OCEL1: variants seen among roughly 807,000 people sequenced by gnomAD.
OCEL1 encodes the protein occludin/ELL domain containing 1.
A neutral mutation model predicts 29.4 loss-of-function variants in OCEL1; 24 were observed. The observed-to-expected ratio is 0.82, with a 90% CI of 0.59 to 1.15. The LOEUF (loss-of-function observed/expected upper bound fraction) is 1.15, where lower values mean the gene tolerates loss of function less well. Ranked by LOEUF, OCEL1 falls within the 50% of genes most tolerant of loss-of-function variation. The pLI, the probability that OCEL1 is intolerant of heterozygous loss-of-function variation, is 0.00. For synonymous variants in OCEL1, 172 were observed against 145.3 expected, an observed-to-expected ratio of 1.18 and a Z score of -1.32; for missense variants, 402 against 352.5, an observed-to-expected ratio of 1.14 and a Z score of -1.13.
chr19:17,226,527 T>C (rs1359622499), intron 1 of OCEL1, 166 bp from the exon 2 acceptor site: 16 of 908,970 alleles, frequency 1.8e-5, no homozygotes, highest in East Asian at 2.7e-5. Flanking sequence ...GTGGGCGGGG[T>C]CTGGACGTCG....
Position 17,228,821 on chromosome 19 carries a change from A to C in OCEL1, c.691A>C (p.Lys231Gln). The part of the protein sequence containing the change: ...MKRMDPGFLD[K>Q]QARCHYLKGK... ...TGCCTAGGATCCTGGCTTCCTGGACAAGCAGGCTCGCTGCCACTACCTGAA... is the reference window on the plus strand; with the variant it reads ...TGCCTAGGATCCTGGCTTCCTGGACCAGCAGGCTCGCTGCCACTACCTGAA... The change falls in exon 6 of 6, where the codon AAG becomes CAG. Residue 231 changes from lysine (K) to glutamine (Q), a missense_variant. Physicochemically the swap from Lys to Gln is moderately conservative, Grantham distance 53. Coordinates refer to ENST00000215061, the MANE Select transcript of OCEL1 (RefSeq NM_024578.3). 1 of 1,613,524 alleles carries C rather than the reference A, an allele frequency of 6.2e-7. No individual in the cohort carries two copies. Among genetic ancestry groups the C allele is most frequent in the Non-Finnish European group, 8.5e-7 (1 of 1,179,900 alleles).
intron 4 of OCEL1, 72 bp from the exon 5 acceptor site, chr19:17,228,184 T>A: frequency 6.3e-7 from 1 of 1,586,326 alleles, no homozygotes; most frequent in Non-Finnish European, 8.7e-7. Flanking sequence ...TTAGTCTGTC[T>A]GAGCCTCAGT....
Position 17,227,177 on chromosome 19 carries a change from C to T in OCEL1, c.430C>T (p.His144Tyr). Residue 144 changes from histidine (H) to tyrosine (Y), a missense_variant, in exon 3 of 6, where the codon CAC becomes TAC. By Grantham distance (83) the His-to-Tyr change is moderately conservative. Coordinates refer to ENST00000215061, the MANE Select transcript of OCEL1 (RefSeq NM_024578.3). Reference protein sequence around the residue: ...AIPKGHKPRPHPVPDYELKYP... With the variant: ...AIPKGHKPRPYPVPDYELKYP... ...CCCTAAGGGGCATAAGCCTAGGCCC[C>T]ACCCAGTGCCCGACTATGAGCTGTG... 6.6e-7 allele frequency: 1 copy of T among 1,517,492 alleles called. No homozygotes were observed. Among genetic ancestry groups the T allele is most frequent in the East Asian group, 2.5e-5 (1 of 40,598 alleles). 94.0% of individuals were successfully genotyped at this position (1,517,492 alleles called of 1,614,324 possible). A position where few individuals can be genotyped will look rare whatever the true frequency, so the allele number is the denominator to read the frequency against.
intron 1 of OCEL1, 68 bp from the exon 2 acceptor site, chr19:17,226,603 TGAGAGTTGGCCGCTCTTCGGCC>T (rs2073362042): frequency 7.6e-7 from 1 of 1,317,880 alleles, no homozygotes; most frequent in Non-Finnish European, 1.0e-6. Context: ...TCCCGCGGGG[TGAGAGTTGGCCGCTCTTCGGCC>T]GAGCTGCCCG....
At chr19:17,228,161 A>G (rs150884828) in intron 4 of OCEL1, 95 bp from the exon 5 acceptor site, 2 of 1,544,456 alleles carry the variant, frequency 1.3e-6, no homozygotes, top group African/African-American at 2.7e-5. Context: ...TGAAGTCCCC[A>G]CTAGATGGGC....
Position 17,228,815 on chromosome 19 carries a change from C to T in OCEL1, c.685C>T (p.Leu229=). The change falls in exon 6 of 6, where the codon CTG becomes TTG. Residue 229 remains leucine (L), a synonymous_variant. Transcript: ENST00000215061. Reference sequence around the variant, plus strand: ...TCGCCCTGCCTAGGATCCTGGCTTCCTGGACAAGCAGGCTCGCTGCCACTA... The same window carrying T: ...TCGCCCTGCCTAGGATCCTGGCTTCTTGGACAAGCAGGCTCGCTGCCACTA... ...FEMKRMDPGF[L]DKQARCHYLK... 1 of 1,613,388 alleles carries T rather than the reference C, an allele frequency of 6.2e-7. No individual in the cohort carries two copies. Among genetic ancestry groups the T allele is most frequent in the Middle Eastern group, 1.7e-4 (1 of 5,852 alleles).
At chr19:17,226,895 C>T (rs752218753) in intron 2 of OCEL1, 26 bp downstream of exon 2, 1 of 1,511,570 alleles carries the variant, frequency 6.6e-7, no homozygotes, top group Non-Finnish European at 8.8e-7. Flanking sequence ...AGGGGGTCCC[C>T]AGGCCGGGCC....
rs754129054 is a variant in OCEL1 at position 17,226,262 on chromosome 19, C to G, written c.15C>G (p.Asp5Glu). MHNP[D>E]GSASPTADPG... ...TCCTGCAGTAAATGCACAACCCGGACGGAAGTGCCTCTCCGACAGCAGATC... is the reference window on the plus strand; with the variant it reads ...TCCTGCAGTAAATGCACAACCCGGAGGGAAGTGCCTCTCCGACAGCAGATC... Residue 5 changes from aspartate to glutamate, a missense_variant, in exon 1 of 6, where the codon GAC becomes GAG. By Grantham distance (45) the Asp-to-Glu change is conservative (BLOSUM62 2). Coordinates refer to ENST00000215061, the MANE Select transcript of OCEL1 (RefSeq NM_024578.3). The G allele has an allele frequency of 5.6e-6, 9 of 1,611,492 alleles. No individual in the cohort carries two copies. In the Admixed American group the frequency reaches 8.4e-5, roughly 15 times the overall value.
At position 17,228,798 on chromosome 19, in the gene OCEL1, C is replaced by G. The variant is rs2073386806; in HGVS notation, c.673-5C>G. 2 of 1,612,382 alleles carry G rather than the reference C, an allele frequency of 1.2e-6. No individual in the cohort carries two copies. Among genetic ancestry groups the G allele is most frequent in the South Asian group, 2.2e-5 (2 of 91,024 alleles). ...GCAAAGACTTCCGGGTCTCGCCCTG[C>G]CTAGGATCCTGGCTTCCTGGACAAG... is the stretch of plus-strand genomic sequence containing the variant. On this transcript the variant is annotated splice_polypyrimidine_tract_variant and splice_region_variant and intron_variant, in intron 5 of 5. Coordinates refer to ENST00000215061, the MANE Select transcript of OCEL1 (RefSeq NM_024578.3).
chr19:17,227,327 G>C (rs563993554), intron 3 of OCEL1, 128 bp downstream of exon 3: 2 of 823,334 alleles, frequency 2.4e-6, no homozygotes, highest in African/African-American at 3.6e-5. Context: ...ATCAGTAGTG[G>C]GATTGTCCCT....
chr19:17,226,483 T>G, intron 1 of OCEL1, 167 bp downstream of exon 1: 1 of 933,534 alleles, frequency 1.1e-6, no homozygotes, highest in Non-Finnish European at 1.6e-6. Flanking sequence ...ACGTCAGAGT[T>G]CATTTACATA....
intron 1 of OCEL1, 122 bp from the exon 2 acceptor site, chr19:17,226,571 C>T: frequency 4.4e-6 from 5 of 1,126,666 alleles, no homozygotes; most frequent in East Asian, 2.7e-5. Context: ...ATGCAAATAG[C>T]GGTCGTTCTG....
In OCEL1 at chr19:17,228,063, C is replaced by T. The variant is rs1469637082; in HGVS notation, c.618+58C>T. 1.3e-5 allele frequency: 20 copies of T among 1,587,338 alleles called. No homozygotes were observed. In the East Asian group the frequency reaches 4.3e-4, roughly 34 times the overall value. On this transcript the variant is annotated intron_variant, in intron 4 of 5. Transcript: ENST00000215061. Reference sequence around the variant, plus strand: ...CCCTTCTGAGTGGCCCGACCCAAGCCTCTGGGACACCCACTGGGTCCAGAT... The same window carrying T: ...CCCTTCTGAGTGGCCCGACCCAAGCTTCTGGGACACCCACTGGGTCCAGAT...
rs2073369135 is a variant in OCEL1, at chr19:17,227,091, T to C, written c.344T>C (p.Val115Ala). The C allele has an allele frequency of 9.3e-6, 15 of 1,608,338 alleles. No homozygotes were observed. The highest frequency in any genetic ancestry group is 1.3e-5 in the Non-Finnish European group (15 of 1,178,918). The stretch of plus-strand genomic sequence containing the variant: ...CACAAGGCAAAGACCAAGAAGATTG[T>C]GTTTGAGGATGAGTTGCTCTCCCAG... ...GPHKAKTKKI[V>A]FEDELLSQAL... The change falls in exon 3 of 6, where the codon GTG (valine) becomes GCG (alanine). Residue 115 changes from valine to alanine, a missense_variant. By Grantham distance (64) the Val-to-Ala change is moderately conservative (BLOSUM62 0). Coordinates refer to ENST00000215061, the MANE Select transcript of OCEL1 (RefSeq NM_024578.3).
chr19:17,227,770 C>A, intron 3 of OCEL1, 70 bp from the exon 4 acceptor site: 1 of 1,535,330 alleles, frequency 6.5e-7, no homozygotes, highest in Non-Finnish European at 8.9e-7. Flanking sequence ...CAAAGAAAAG[C>A]AAATTACACT....
intron 2 of OCEL1, 31 bp from the exon 3 acceptor site, chr19:17,226,963 A>T: frequency 6.5e-7 from 1 of 1,549,334 alleles, no homozygotes; most frequent in Non-Finnish European, 8.7e-7. Context: ...CGACACCCCG[A>T]TTTAACTCCA....
intron 1 of OCEL1, 175 bp downstream of exon 1, chr19:17,226,491 A>C: frequency 2.2e-6 from 2 of 910,014 alleles, no homozygotes; most frequent in Non-Finnish European, 3.2e-6. Context: ...GTTCATTTAC[A>C]TAGCGCTTAT....
Position 17,227,844 on chromosome 19 carries a change from T to C in OCEL1, c.457T>C (p.Tyr153His). 6.2e-7 allele frequency: 1 copy of C among 1,613,594 alleles called. No individual in the cohort carries two copies. The highest frequency in any genetic ancestry group is 1.3e-5 in the African/African-American group (1 of 75,026). ...TGACCCTCTTCAACCTGGTAGTAAGTACCCGCCAGTGAGCAGTGAGAGGGA... is the reference window on the plus strand; with the variant it reads ...TGACCCTCTTCAACCTGGTAGTAAGCACCCGCCAGTGAGCAGTGAGAGGGA... The part of the protein sequence containing the change: ...PHPVPDYELK[Y>H]PPVSSERERS... Residue 153 changes from tyrosine to histidine, a missense_variant, in exon 4 of 6, where the codon TAC (tyrosine) becomes CAC (histidine). Tyr to His is a moderately conservative substitution (Grantham distance 83). Coordinates refer to ENST00000215061, the MANE Select transcript of OCEL1 (RefSeq NM_024578.3).
In OCEL1 at chr19:17,226,848, C is replaced by G; in HGVS notation, c.225C>G (p.His75Gln). 6.5e-7 allele frequency: 1 copy of G among 1,547,362 alleles called. No homozygotes were observed. The highest frequency in any genetic ancestry group is 2.3e-5 in the East Asian group (1 of 43,014). ...TRGSRGHLHT[H>Q]PPGPGPPLQG... ...GCTCCCGGGGGCACCTGCATACTCA[C>G]CCGCCTGGGCCTGGGCCCCCGGTGA... The change falls in exon 2 of 6, where the codon CAC (histidine) becomes CAG (glutamine). Residue 75 changes from histidine to glutamine, a missense_variant. Transcript: ENST00000215061.
Sources: allele counts gnomAD v4.1 joint callset, GRCh38; gene constraint gnomAD v4.1.1; transcripts MANE v1.5; gene names NCBI Gene and HGNC (gene_info 2026-07-23, HGNC 2026-07-21).